INTS1: variants seen among roughly 807,000 people sequenced by gnomAD.
The protein encoded by INTS1 is integrator complex subunit 1.
Under a neutral mutation model 241.6 loss-of-function variants are expected in INTS1, and 137 were observed. The observed-to-expected ratio is 0.57, with a 90% CI of 0.49 to 0.65. The LOEUF is 0.65. Among genes scored for constraint, INTS1 ranks in the 30% least tolerant of loss-of-function variants. The pLI, the probability that INTS1 is intolerant of heterozygous loss-of-function variation, is 0.00. For synonymous variants in INTS1, 1,692 were observed against 1,337.8 expected, an observed-to-expected ratio of 1.26 and a Z score of -5.78; for missense variants, 3,073 against 3,032.2, an observed-to-expected ratio of 1.01 and a Z score of -0.32.
In INTS1 at chr7:1,476,654, G is replaced by A. The variant is rs753059095; in HGVS notation, c.5067C>T (p.Phe1689=). The change falls in exon 37 of 48, where the codon TTC becomes TTT. Residue 1689 remains phenylalanine, a synonymous_variant. Transcript: ENST00000404767. The part of the protein sequence containing the change: ...VLLGKSREQR[F]DPSASLDFLW... ...GGAAGTCCAGAGAGGCAGAGGGGTCGAACCTGTGGGGAGGCAAAGGTTCCA... is the reference window on the plus strand; with the variant it reads ...GGAAGTCCAGAGAGGCAGAGGGGTCAAACCTGTGGGGAGGCAAAGGTTCCA... 12 of 1,612,702 alleles carry A rather than the reference G, an allele frequency of 7.4e-6. No individual in the cohort carries two copies. The highest frequency in any genetic ancestry group is 1.6e-4 in the Middle Eastern group (1 of 6,062).
chr7:1,470,550 C>T lies in INTS1; in HGVS notation c.*27G>A. On this transcript the variant is annotated 3_prime_UTR_variant, in exon 48 of 48. Transcript: ENST00000404767. ...TCCCCGGGGACGGGACGGGCCGGGG[C>T]TTGGAGGGGGGTCGGCTGCCACAGG... 1 of 1,502,650 alleles carries T rather than the reference C, an allele frequency of 6.7e-7. No homozygotes were observed. Among genetic ancestry groups the T allele is most frequent in the Non-Finnish European group, 9.0e-7 (1 of 1,111,988 alleles). 93.1% of individuals were successfully genotyped at this position (1,502,650 alleles called of 1,614,324 possible).
chr7:1,474,202 C>T lies in INTS1; in HGVS notation c.5795G>A (p.Trp1932Ter). The T allele has an allele frequency of 6.3e-7, 1 of 1,589,020 alleles. No homozygotes were observed. Among genetic ancestry groups the T allele is most frequent in the Non-Finnish European group, 8.5e-7 (1 of 1,169,870 alleles). ...GCGGATGAAGGACAGAAGGCAGTCC[C>T]ACAGCGCCCCCTGGTGCTCGCTGCG... ...VFRSEHQGAL[W>*]DCLLSFIRLL... The change falls in exon 41 of 48, where the codon TGG becomes TAG. Residue 1932 changes from tryptophan (W) to a stop codon, truncating the protein, a stop_gained. Coordinates refer to ENST00000404767, the MANE Select transcript of INTS1 (RefSeq NM_001080453.3). LOFTEE classifies it high-confidence loss of function.
At chr7:1,495,294 A>T in intron 13 of INTS1, 139 bp downstream of exon 13, 1 of 1,026,234 alleles carries the variant, frequency 9.7e-7, no homozygotes, top group Non-Finnish European at 1.4e-6. Flanking sequence ...GTCCCGGCTT[A>T]GTGGGGTGTG....
intron 18 of INTS1, among the ~76,000 whole-genome samples, chr7:1,488,862 C>T (rs1434384564): frequency 6.6e-6 from 1 of 152,220 alleles, no homozygotes; most frequent in African/African-American, 2.4e-5. Context: ...TGCCGACTCT[C>T]GTCCCACCTG....
In INTS1 at chr7:1,504,222, C is replaced by T. The variant is rs1164415665; in HGVS notation, c.-42+101G>A. The T allele has an allele frequency of 9.4e-6, 5 of 533,806 alleles. No individual in the cohort carries two copies. The African/African-American group carries it at 1.0e-4, about 11-fold the overall frequency. The allele number at this position is 533,806 out of a possible 1,614,324, so 33.1% of individuals were successfully genotyped here. A position where few individuals can be genotyped will look rare whatever the true frequency, so the allele number is the denominator to read the frequency against. On this transcript the variant is annotated intron_variant, in intron 1 of 47. Coordinates refer to ENST00000404767, the MANE Select transcript of INTS1 (RefSeq NM_001080453.3). ...GGCGACGCGGACGCCGGGCTGGAGG[C>T]GGCAGAACCAGAAGGGACGGCCCAG...
Position 1,476,431 on chromosome 7 carries a change from G to A in INTS1, c.5176C>T (p.Arg1726Trp), listed in dbSNP as rs756766652. The A allele has an allele frequency of 1.5e-5, 23 of 1,567,378 alleles. 1 individual carries two copies. Among genetic ancestry groups the A allele is most frequent in the South Asian group, 4.6e-5 (4 of 87,182 alleles). ...PQKRREELVL[R>W]VQGPELISLV... ...CTGATGAGCTCCGGGCCCTGGACCC[G>A]CAGCACCAGCTCCTCCCGCCGCTTC... Residue 1726 changes from arginine (R) to tryptophan (W), a missense_variant, in exon 38 of 48, where the codon CGG becomes TGG. Transcript: ENST00000404767.
chr7:1,503,032 C>T lies in INTS1; in HGVS notation c.218G>A (p.Gly73Asp), dbSNP rs746454501. ...AALSSASALTGLTKRPKLSST... is the reference protein window; with the variant it reads ...AALSSASALTDLTKRPKLSST... Reference sequence around the variant, plus strand: ...GGAGAGTTTGGGGCGTTTGGTGAGACCGGTGAGGGCCGAGGCACTGGACAA... The same window carrying T: ...GGAGAGTTTGGGGCGTTTGGTGAGATCGGTGAGGGCCGAGGCACTGGACAA... Residue 73 changes from glycine (G) to aspartate (D), a missense_variant, in exon 3 of 48, where the codon GGT becomes GAT. Coordinates refer to ENST00000404767, the MANE Select transcript of INTS1 (RefSeq NM_001080453.3). 2 of 1,613,716 alleles carry T rather than the reference C, an allele frequency of 1.2e-6. No homozygotes were observed. Among genetic ancestry groups the T allele is most frequent in the East Asian group, 2.2e-5 (1 of 44,884 alleles).
At position 1,500,037 on chromosome 7, in the gene INTS1, C is replaced by T. The variant is rs1166829167; in HGVS notation, c.547-16G>A. 1 of 1,610,970 alleles carries T rather than the reference C, an allele frequency of 6.2e-7. No individual in the cohort carries two copies. Among genetic ancestry groups the T allele is most frequent in the Admixed American group, 1.7e-5 (1 of 59,934 alleles). ...TACACAGAGCCTGCCAGGGAGGGCG[C>T]ATGTCACGTGGGAGCTTCGCTGGCC... On this transcript the variant is annotated splice_polypyrimidine_tract_variant and intron_variant, in intron 4 of 47. Transcript: ENST00000404767.
At chr7:1,471,312 G>T in intron 45 of INTS1, 88 bp from the exon 46 acceptor site, 1 of 1,334,002 alleles carries the variant, frequency 7.5e-7, no homozygotes, top group Middle Eastern at 1.9e-4. Context: ...GATGGTTGGC[G>T]GCAACGGCAG....
rs779893699 is a variant in INTS1 at position 1,470,876 on chromosome 7, T to G, written c.6427A>C (p.Asn2143His). Residue 2143 changes from asparagine (N) to histidine (H), a missense_variant, in exon 47 of 48, where the codon AAC becomes CAC. Physicochemically the swap from Asn to His is moderately conservative, Grantham distance 68. Transcript: ENST00000404767. Reference sequence around the variant, plus strand: ...CACAGGAGAGCGTACTCAGGCAGGTTCCGGAGGGCCGTCTGCACCACCTCA... The same window carrying G: ...CACAGGAGAGCGTACTCAGGCAGGTGCCGGAGGGCCGTCTGCACCACCTCA... ...DFEVVQTALR[N>H]LPEYALLCQE... 1.2e-5 allele frequency: 19 copies of G among 1,594,578 alleles called. No homozygotes were observed. The highest frequency in any genetic ancestry group is 1.1e-5 in the Non-Finnish European group (13 of 1,171,498).
intron 3 of INTS1, 144 bp downstream of exon 3, chr7:1,502,757 T>C: frequency 2.2e-6 from 2 of 902,654 alleles, no homozygotes; most frequent in South Asian, 1.6e-5. Context: ...GAGAAGCACT[T>C]CCAAGAACAA....
chr7:1,494,510 C>T (rs892528), intron 14 of INTS1: 208,961 of 476,202 alleles, frequency 0.44, 47,569 homozygotes, highest in East Asian at 0.72. Flanking sequence ...TCTGAGACTG[C>T]GTGAAGGGTG....
chr7:1,487,763 G>A lies in INTS1; in HGVS notation c.2513C>T (p.Pro838Leu), dbSNP rs1583130536. The A allele has an allele frequency of 6.2e-7, 1 of 1,607,930 alleles. No homozygotes were observed. The highest frequency in any genetic ancestry group is 8.5e-7 in the Non-Finnish European group (1 of 1,179,742). Reference sequence around the variant, plus strand: ...CGGGGCTGTGTGGGCTGCGTACTGGGGGTCCAGGCTGGTGAGCTGCGACAG... The same window carrying A: ...CGGGGCTGTGTGGGCTGCGTACTGGAGGTCCAGGCTGGTGAGCTGCGACAG... ...LLLSQLTSLD[P>L]QGPPRRPPPH... is the part of the protein sequence containing the mutation. Residue 838 changes from proline (P) to leucine (L), a missense_variant, in exon 19 of 48, where the codon CCC becomes CTC. Transcript: ENST00000404767.
At chr7:1,496,763 T>C (rs1341206405) in intron 11 of INTS1, among the ~76,000 whole-genome samples, 1 of 152,102 alleles carries the variant, frequency 6.6e-6, no homozygotes, top group African/African-American at 2.4e-5. Context: ...ATCTCTGTGA[T>C]CCACCCTCAC....
In INTS1 at chr7:1,492,864, G is replaced by A. The variant is rs1338991300; in HGVS notation, c.2165+146C>T. 3.0e-5 allele frequency: 15 copies of A among 494,394 alleles called. 1 individual carries two copies. Among genetic ancestry groups the A allele is most frequent in the East Asian group, 7.2e-5 (2 of 27,928 alleles). The allele number at this position is 494,394 out of a possible 1,614,324, so 30.6% of individuals were successfully genotyped here. Reference sequence around the variant, plus strand: ...GGGAGTGGGGAGTGGGGAGCGGGGCGCGGGCTTACCCGGGCGGGAGTGGGG... The same window carrying A: ...GGGAGTGGGGAGTGGGGAGCGGGGCACGGGCTTACCCGGGCGGGAGTGGGG... On this transcript the variant is annotated intron_variant, in intron 16 of 47. Coordinates refer to ENST00000404767, the MANE Select transcript of INTS1 (RefSeq NM_001080453.3).
At chr7:1,503,808 C>A (rs1424590659) in intron 2 of INTS1, 95 bp downstream of exon 2, 2 of 920,028 alleles carry the variant, frequency 2.2e-6, no homozygotes, top group South Asian at 1.5e-5. Context: ...GCGGAACAAC[C>A]AAGCCCAACG....
intron 2 of INTS1, among the ~76,000 whole-genome samples, chr7:1,503,448 C>T (rs372834716): frequency 6.6e-6 from 1 of 152,170 alleles, no homozygotes; most frequent in African/African-American, 2.4e-5. Flanking sequence ...TAGTAACCCC[C>T]GCCCCGAGTT....
At chr7:1,474,864 G>A (rs146843925) in intron 39 of INTS1, 26 bp from the exon 40 acceptor site, 22,294 of 1,557,322 alleles carry the variant, frequency 0.014, 199 homozygotes, top group Non-Finnish European at 0.018. Flanking sequence ...CTCTGAGGCC[G>A]GGGCCGCTGG....
At position 1,476,211 on chromosome 7, in the gene INTS1, G is replaced by A. The variant is rs1781709134; in HGVS notation, c.5378+18C>T. 1 of 1,543,862 alleles carries A rather than the reference G, an allele frequency of 6.5e-7. No individual in the cohort carries two copies. Among genetic ancestry groups the A allele is most frequent in the African/African-American group, 1.4e-5 (1 of 73,008 alleles). On this transcript the variant is annotated intron_variant, in intron 38 of 47. Transcript: ENST00000404767. The stretch of plus-strand genomic sequence containing the variant: ...GGCTCACTCCCAGGCAGCATCTGGG[G>A]CCGGGGGGCCTGAGCACCTGTCTCC...
Sources: gnomAD v4.1 joint callset for allele counts (sites outside exome capture counted in the v4.1 genomes callset) on GRCh38, gnomAD v4.1.1 for gene constraint, MANE v1.5 for transcripts, NCBI Gene and HGNC (gene_info 2026-07-23, HGNC 2026-07-21) for gene names.